The following ZNF606 variants were observed in gnomAD, a reference collection of about 807,000 sequenced individuals.
The protein encoded by ZNF606 is zinc finger protein 606, also known as zinc finger protein 328.
ZNF606 carries 37 observed loss-of-function variants against 74.9 expected under a neutral mutation model. The observed-to-expected ratio is 0.49, with a 90% CI of 0.38 to 0.65. The LOEUF is 0.65. Ranked by LOEUF, ZNF606 falls within the 30% of genes least tolerant of loss-of-function variation. The probability of loss-of-function intolerance (pLI) is 0.00; values close to 1 mark genes in which losing one functional copy is unlikely to be tolerated. For synonymous variants in ZNF606, 328 were observed against 312.4 expected (o/e 1.05, Z -0.53); for missense variants, 852 against 952.9 (o/e 0.89, Z 1.39).
rs180922234 is a variant in ZNF606, at chr19:57,987,043, T to C, written c.400+1164A>G. ...ATGCAGAGGCTGCAGTAAGTCAAGA[T>C]TGTACTACTGCACTCCAGCCTGGGC... On this transcript the variant is annotated intron_variant, in intron 6 of 6. Transcript: ENST00000551380. 5.1e-3 allele frequency among the ~76,000 whole-genome samples: 776 copies of C among 152,172 alleles called. 5 individuals carry two copies. Among genetic ancestry groups the C allele is most frequent in the African/African-American group, 0.016 (651 of 41,508 alleles).
Position 57,977,108 on chromosome 19 carries a change from C to G in ZNF606, c.*1193G>C, listed in dbSNP as rs967497702. Reference sequence around the variant, plus strand: ...TTGTTTAGGATTTTCTTTTTATTATCAAATCTCTGCTATAGAAACACTGAA... The same window carrying G: ...TTGTTTAGGATTTTCTTTTTATTATGAAATCTCTGCTATAGAAACACTGAA... On this transcript the variant is annotated 3_prime_UTR_variant, in exon 7 of 7. Transcript: ENST00000551380. 2.6e-5 allele frequency: 4 copies of G among 152,126 alleles called. No homozygotes were observed. The highest frequency in any genetic ancestry group is 4.4e-5 in the Non-Finnish European group (3 of 68,026). The allele number at this position is 152,126 out of a possible 1,614,324, so 9.4% of individuals were successfully genotyped here. A position where few individuals can be genotyped will look rare whatever the true frequency, so the allele number is the denominator to read the frequency against.
intron 5 of ZNF606, 28 bp downstream of exon 5, chr19:57,988,567 T>C: frequency 6.2e-7 from 1 of 1,604,104 alleles, no homozygotes; most frequent in Non-Finnish European, 8.5e-7. Context: ...GGGAACAGCT[T>C]CGTTTACTTG....
At chr19:57,998,481 T>C (rs543475866) in intron 4 of ZNF606, 1 of 152,338 alleles carries the variant, frequency 6.6e-6, no homozygotes, top group South Asian at 2.1e-4. Context: ...TGCCATATTA[T>C]GATTCCATTT....
intron 6 of ZNF606, among the ~76,000 whole-genome samples, chr19:57,984,538 A>G (rs754090102): frequency 3.9e-5 from 6 of 152,270 alleles, no homozygotes; most frequent in Admixed American, 1.3e-4. Flanking sequence ...GCTGTGGCAC[A>G]TTGCCAAAAA....
intron 6 of ZNF606, among the ~76,000 whole-genome samples, chr19:57,986,228 T>A (rs1336973530): frequency 6.6e-6 from 1 of 152,154 alleles, no homozygotes; most frequent in Non-Finnish European, 1.5e-5. Context: ...GACTCACGCC[T>A]GTAATCCCAG....
At chr19:57,983,435 G>C (rs925972367) in intron 6 of ZNF606, among the ~76,000 whole-genome samples, 1 of 151,992 alleles carries the variant, frequency 6.6e-6, no homozygotes, top group East Asian at 1.9e-4. Context: ...AAAATTAGCC[G>C]GGCATAGTGG....
rs1297620024 is a variant in ZNF606 at position 58,002,486 on chromosome 19, G to T, written c.-142C>A. ...CGTTTGGCTTTTGTCCCGCGCCGAG[G>T]TCCGGCCCAGGAGTGCGCTTGGGAG... On this transcript the variant is annotated 5_prime_UTR_variant, in exon 1 of 7. Transcript: ENST00000551380. 3 of 453,974 alleles carry T rather than the reference G, an allele frequency of 6.6e-6. No individual in the cohort carries two copies. The highest frequency in any genetic ancestry group is 3.1e-5 in the South Asian group (2 of 64,274). The allele number at this position is 453,974 out of a possible 1,614,324, so 28.1% of individuals were successfully genotyped here. A position where few individuals can be genotyped will look rare whatever the true frequency, so the allele number is the denominator to read the frequency against.
At chr19:57,993,510 G>A (rs1267795905) in intron 4 of ZNF606, among the ~76,000 whole-genome samples, 2 of 152,178 alleles carry the variant, frequency 1.3e-5, no homozygotes, top group South Asian at 2.1e-4. Flanking sequence ...GAGGCACCAC[G>A]GTGAAGCAGG....
At chr19:57,989,235 A>C (rs2073213748) in intron 4 of ZNF606, among the ~76,000 whole-genome samples, 1 of 152,136 alleles carries the variant, frequency 6.6e-6, no homozygotes, top group Admixed American at 6.5e-5. Context: ...CCAAGGACTG[A>C]AGCTAAGGGT....
chr19:57,982,499 G>A (rs999722926), intron 6 of ZNF606, among the ~76,000 whole-genome samples: 4 of 152,170 alleles, frequency 2.6e-5, no homozygotes, highest in Non-Finnish European at 2.9e-5. Context: ...ATATCTTTGT[G>A]GGGGAAGTCA....
chr19:57,985,962 A>G (rs1393278943), intron 6 of ZNF606, among the ~76,000 whole-genome samples: 1 of 151,640 alleles, frequency 6.6e-6, no homozygotes, highest in Non-Finnish European at 1.5e-5. Context: ...ATAAAATAAA[A>G]GCCGAAGAGA....
At chr19:57,999,712 A>C in intron 4 of ZNF606, 96 bp downstream of exon 4, 1 of 1,316,698 alleles carries the variant, frequency 7.6e-7, no homozygotes, top group South Asian at 1.2e-5. Context: ...TTCCCTACCC[A>C]AACTCCAACT....
intron 6 of ZNF606, among the ~76,000 whole-genome samples, chr19:57,987,594 G>A (rs1016718396): frequency 5.3e-5 from 8 of 152,120 alleles, no homozygotes; most frequent in South Asian, 2.1e-4. Flanking sequence ...TTGGGAGCCC[G>A]AGGTGGGCGG....
At chr19:57,994,051 A>G (rs1404464704) in intron 4 of ZNF606, among the ~76,000 whole-genome samples, 1 of 152,264 alleles carries the variant, frequency 6.6e-6, no homozygotes, top group East Asian at 1.9e-4. Context: ...AATCCAGACA[A>G]CAGCCACATT....
intron 4 of ZNF606, among the ~76,000 whole-genome samples, chr19:57,994,316 T>A (rs968181679): frequency 6.6e-6 from 1 of 151,036 alleles, no homozygotes; most frequent in African/African-American, 2.4e-5. Flanking sequence ...ACACGGCAAT[T>A]TGTTCAGGAG....
rs532680315 is a variant in ZNF606, at chr19:58,001,218, C to T, written c.31+71G>A. 3 of 1,584,232 alleles carry T rather than the reference C, an allele frequency of 1.9e-6. No individual in the cohort carries two copies. In the South Asian group the frequency reaches 3.3e-5, roughly 18 times the overall value. On this transcript the variant is annotated intron_variant, in intron 2 of 6. Transcript: ENST00000551380. Reference sequence around the variant, plus strand: ...CCATCCTCAAAAGTCCTCAGCCCATCACCAGCTCTGACCCATGACTGCAGC... The same window carrying T: ...CCATCCTCAAAAGTCCTCAGCCCATTACCAGCTCTGACCCATGACTGCAGC...
At chr19:57,988,785 A>G (rs1208572323) in intron 4 of ZNF606, 64 bp from the exon 5 acceptor site, 2 of 1,609,332 alleles carry the variant, frequency 1.2e-6, no homozygotes, top group African/African-American at 2.7e-5. Flanking sequence ...CCAGGGATGG[A>G]GTGAGGCTGA....
At position 57,980,051 on chromosome 19, in the gene ZNF606, G is replaced by A; in HGVS notation, c.629C>T (p.Ser210Phe). The stretch of plus-strand genomic sequence containing the variant: ...CTCTGCCCCAAGTCCACAGAATTCA[G>A]AGCTTCTCTGGGATAGTACTTGCTT... ...MQKQVLSQRSSEFCGLGAEFS... is the reference protein window; with the variant it reads ...MQKQVLSQRSFEFCGLGAEFS... The change falls in exon 7 of 7, where the codon TCT becomes TTT. Residue 210 changes from serine (S) to phenylalanine (F), a missense_variant. Physicochemically the swap from Ser to Phe is radical, Grantham distance 155. Coordinates refer to ENST00000551380, the MANE Select transcript of ZNF606 (RefSeq NM_001348022.3). 1 of 1,613,618 alleles carries A rather than the reference G, an allele frequency of 6.2e-7. No individual in the cohort carries two copies.
intron 6 of ZNF606, among the ~76,000 whole-genome samples, chr19:57,983,024 T>C (rs2073109439): frequency 6.6e-6 from 1 of 152,144 alleles, no homozygotes; most frequent in African/African-American, 2.4e-5. Flanking sequence ...TCTTAAAAGT[T>C]ACTGAATTAT....
Sources: allele counts gnomAD v4.1 joint callset (sites outside exome capture counted in the v4.1 genomes callset), GRCh38; gene constraint gnomAD v4.1.1; transcripts MANE v1.5; gene names NCBI Gene and HGNC (gene_info 2026-07-23, HGNC 2026-07-21).